Variants in THSD7B observed in about 807,000 individuals in gnomAD.
THSD7B encodes the protein thrombospondin type-1 domain-containing protein 7B.
A neutral mutation model predicts 213.6 loss-of-function variants in THSD7B; 138 were observed. The ratio of observed to expected loss-of-function variants is 0.65; its 90% CI spans 0.56 to 0.74. The LOEUF (loss-of-function observed/expected upper bound fraction) is 0.74, where lower values mean the gene tolerates loss of function less well. THSD7B is among the 30% of genes least tolerant of loss of function. The pLI, the probability that THSD7B is intolerant of heterozygous loss-of-function variation, is 0.00. For missense variants in THSD7B, 1,931 were observed against 1,991.5 expected, an observed-to-expected ratio of 0.97 and a Z score of 0.58; for synonymous variants, 742 against 687.0, an observed-to-expected ratio of 1.08 and a Z score of -1.25.
intron 7 of THSD7B, among the ~76,000 whole-genome samples, chr2:137,210,380 A>G (rs1681076222): frequency 6.6e-6 from 1 of 152,212 alleles, no homozygotes; most frequent in Admixed American, 6.6e-5. Flanking sequence ...AAAAAAATGT[A>G]TAATTGGTTC....
At chr2:137,393,307 C>T (rs1012285644) in intron 12 of THSD7B, among the ~76,000 whole-genome samples, 5 of 151,890 alleles carry the variant, frequency 3.3e-5, no homozygotes, top group African/African-American at 1.2e-4. Context: ...CTATCCCTCC[C>T]CCTTCCCACC....
At chr2:136,975,098 A>G (rs1381351940) in intron 2 of THSD7B, among the ~76,000 whole-genome samples, 4 of 148,122 alleles carry the variant, frequency 2.7e-5, no homozygotes, top group East Asian at 2.0e-4. Flanking sequence ...TGGATATTAG[A>G]CCTTTGTCAG....
chr2:136,801,936 T>A (rs1329611179), intron 1 of THSD7B, among the ~76,000 whole-genome samples: 1 of 152,174 alleles, frequency 6.6e-6, no homozygotes, highest in Non-Finnish European at 1.5e-5. Flanking sequence ...GTTAAACTGT[T>A]ATTGTGGGGA....
At chr2:137,138,638 C>T (rs1002794757) in intron 5 of THSD7B, among the ~76,000 whole-genome samples, 3 of 152,126 alleles carry the variant, frequency 2.0e-5, no homozygotes, top group Non-Finnish European at 4.4e-5. Context: ...ATCATTCTCT[C>T]CAAAGATTAC....
chr2:137,522,932 T>A (rs1415848310), intron 15 of THSD7B, among the ~76,000 whole-genome samples: 2 of 152,234 alleles, frequency 1.3e-5, no homozygotes, highest in African/African-American at 4.8e-5. Flanking sequence ...ATCTCATTCA[T>A]CTTTAAATAT....
chr2:137,092,314 G>A (rs992197274), intron 3 of THSD7B, among the ~76,000 whole-genome samples: 3 of 152,068 alleles, frequency 2.0e-5, no homozygotes, highest in Non-Finnish European at 4.4e-5. Flanking sequence ...TCAGGAGACT[G>A]AGGTGGGAGG....
intron 5 of THSD7B, among the ~76,000 whole-genome samples, chr2:137,159,491 G>A (rs1001923174): frequency 1.0e-4 from 15 of 150,632 alleles, no homozygotes; most frequent in African/African-American, 3.4e-4. Context: ...GAAAAAAAAA[G>A]CATCTGCATA....
intron 15 of THSD7B, among the ~76,000 whole-genome samples, chr2:137,485,438 T>C (rs1688413089): frequency 6.6e-6 from 1 of 152,164 alleles, no homozygotes; most frequent in Admixed American, 6.5e-5. Flanking sequence ...TGTAGTATAG[T>C]TTGAAGTCAG....
intron 2 of THSD7B, among the ~76,000 whole-genome samples, chr2:137,031,277 G>A (rs963383607): frequency 6.6e-6 from 1 of 152,194 alleles, no homozygotes; most frequent in African/African-American, 2.4e-5. Flanking sequence ...CCTGGGAGGT[G>A]GAGGTTGCAG....
intron 2 of THSD7B, among the ~76,000 whole-genome samples, chr2:136,889,931 G>A (rs1365076271): frequency 6.6e-6 from 1 of 152,144 alleles, no homozygotes; most frequent in East Asian, 1.9e-4. Flanking sequence ...AAAATAGGGT[G>A]TACTGGAAGT....
At chr2:137,126,156 G>A (rs1688625622) in intron 5 of THSD7B, among the ~76,000 whole-genome samples, 5 of 152,112 alleles carry the variant, frequency 3.3e-5, no homozygotes, top group Admixed American at 3.3e-4. Context: ...AGCTGCATCG[G>A]CCCCTAATGA....
chr2:137,462,536 C>T (rs1687905325), intron 15 of THSD7B, among the ~76,000 whole-genome samples: 1 of 151,976 alleles, frequency 6.6e-6, no homozygotes, highest in African/African-American at 2.4e-5. Context: ...TTTGTAATTG[C>T]TCCCTCTCCT....
intron 26 of THSD7B, among the ~76,000 whole-genome samples, chr2:137,664,358 A>G (rs910091891): frequency 5.9e-5 from 9 of 152,206 alleles, no homozygotes; most frequent in African/African-American, 1.9e-4. Flanking sequence ...CCCATGGCTT[A>G]CACACACCTG....
chr2:137,137,445 C>T (rs115048102), intron 5 of THSD7B, among the ~76,000 whole-genome samples: 46 of 152,226 alleles, frequency 3.0e-4, no homozygotes, highest in African/African-American at 8.9e-4. Flanking sequence ...ATGAGATGGT[C>T]GTTCTTTAAG....
At chr2:137,635,186 G>A (rs566926308) in intron 20 of THSD7B, among the ~76,000 whole-genome samples, 1 of 152,202 alleles carries the variant, frequency 6.6e-6, no homozygotes, top group South Asian at 2.1e-4. Flanking sequence ...TATTTTATAG[G>A]GAGTGTCTTT....
chr2:136,795,065 C>G (rs1480460120), intron 1 of THSD7B, among the ~76,000 whole-genome samples: 1 of 151,944 alleles, frequency 6.6e-6, no homozygotes, highest in African/African-American at 2.4e-5. Flanking sequence ...AGATATTTCT[C>G]TTACAGCCAA....
intron 2 of THSD7B, among the ~76,000 whole-genome samples, chr2:136,992,288 G>T (rs1200383728): frequency 6.6e-6 from 1 of 152,232 alleles, no homozygotes; most frequent in African/African-American, 2.4e-5. Context: ...AACTTGTACT[G>T]ATTGAAGGCT....
intron 15 of THSD7B, among the ~76,000 whole-genome samples, chr2:137,474,403 T>C (rs1438402379): frequency 2.6e-5 from 4 of 152,206 alleles, no homozygotes; most frequent in African/African-American, 9.6e-5. Context: ...TCTATTTTTT[T>C]TCTAGCTTTA....
At chr2:137,430,914 G>A (rs1000832364) in intron 14 of THSD7B, among the ~76,000 whole-genome samples, 2 of 152,170 alleles carry the variant, frequency 1.3e-5, no homozygotes, top group Non-Finnish European at 2.9e-5. Flanking sequence ...ACATTAACAC[G>A]GGTAAATATC....
Sources: allele counts gnomAD v4.1 joint callset (sites outside exome capture counted in the v4.1 genomes callset), GRCh38; gene constraint gnomAD v4.1.1; transcripts MANE v1.5; gene names NCBI Gene and HGNC (gene_info 2026-07-23, HGNC 2026-07-21).